ABCA12: variants seen among roughly 807,000 people sequenced by gnomAD.
ABCA12 encodes glucosylceramide transporter ABCA12.
In ABCA12, 156 loss-of-function variants were observed where a neutral mutation model predicts 293.5. The ratio of observed to expected loss-of-function variants is 0.53; its 90% confidence interval spans 0.47 to 0.61. The LOEUF is 0.61. Among genes scored for constraint, ABCA12 ranks in the 20% least tolerant of loss-of-function variants. ABCA12 has a pLI of 0.00. For missense variants in ABCA12, 2,797 were observed against 3,090.2 expected (o/e 0.91, Z 2.25); for synonymous variants, 1,063 against 1,108.0 (o/e 0.96, Z 0.81).
intron 11 of ABCA12, 45 bp downstream of exon 11, chr2:215,025,628 G>GTTTTTTTTTGTTTTTTTTTTTT: frequency 8.3e-7 from 1 of 1,203,808 alleles, no homozygotes; most frequent in Non-Finnish European, 1.2e-6. Context: ...TTGTCTTTTT[G>GTTTTTTTTTGTTTTTTTTTTTT]TTTTTTTTTT....
chr2:215,081,153 C>G (rs1701928422), intron 2 of ABCA12, among the ~76,000 whole-genome samples: 1 of 152,110 alleles, frequency 6.6e-6, no homozygotes, highest in Non-Finnish European at 1.5e-5. Context: ...AATTGACTCT[C>G]TTTAGCCTGT....
In ABCA12 at chr2:214,989,417, G is replaced by T; in HGVS notation, c.3741C>A (p.Thr1247=). The change falls in exon 26 of 53, where the codon ACC becomes ACA. Residue 1247 remains threonine, a synonymous_variant. Coordinates refer to ENST00000272895, the MANE Select transcript of ABCA12 (RefSeq NM_173076.3). ...NMYTSPVQDD[T]TSFGWLCCLI... ...GACAGCACAGCCAGCCAAATGAGGT[G>T]GTGTCATCCTGAACCGGGGAGGTGT... 1 of 1,613,436 alleles carries T rather than the reference G, an allele frequency of 6.2e-7. No homozygotes were observed. The highest frequency in any genetic ancestry group is 8.5e-7 in the Non-Finnish European group (1 of 1,179,910).
At chr2:215,138,031 G>T in intron 1 of ABCA12, 109 bp downstream of exon 1, 1 of 1,130,282 alleles carries the variant, frequency 8.8e-7, no homozygotes, top group Non-Finnish European at 1.4e-6. Context: ...TTCCTGCTTT[G>T]GAAAATGCCT....
intron 52 of ABCA12, 141 bp downstream of exon 52, chr2:214,933,937 C>A: frequency 1.2e-6 from 1 of 831,716 alleles, no homozygotes; most frequent in East Asian, 2.7e-5. Context: ...ATTGATTAGG[C>A]TCTTTGCTAA....
chr2:215,112,822 C>T (rs914768429), intron 1 of ABCA12, among the ~76,000 whole-genome samples: 2 of 152,028 alleles, frequency 1.3e-5, no homozygotes, highest in African/African-American at 4.8e-5. Flanking sequence ...GAGAATTTCA[C>T]TTTAAGTACT....
chr2:215,138,075 C>T, intron 1 of ABCA12, 65 bp downstream of exon 1: 1 of 1,468,810 alleles, frequency 6.8e-7, no homozygotes, highest in Non-Finnish European at 9.5e-7. Context: ...TCATTAAGAT[C>T]ACATTTTAGG....
chr2:214,980,358 GA>G (rs1489033970), intron 31 of ABCA12, 124 bp downstream of exon 31: 1 of 1,335,008 alleles, frequency 7.5e-7, no homozygotes, highest in African/African-American at 1.4e-5. Context: ...ACTCAAATAT[GA>G]GAAGCAGTAA....
At chr2:215,105,424 C>T (rs57967455) in intron 2 of ABCA12, among the ~76,000 whole-genome samples, 6 of 152,188 alleles carry the variant, frequency 3.9e-5, no homozygotes, top group African/African-American at 1.4e-4. Flanking sequence ...AGGCATTCTA[C>T]TGCAGAACAG....
intron 45 of ABCA12, 81 bp from the exon 46 acceptor site, chr2:214,949,230 C>T: frequency 1.0e-6 from 1 of 970,020 alleles, no homozygotes; most frequent in Non-Finnish European, 1.7e-6. Flanking sequence ...CCTCTTCTCC[C>T]TGGGTGAAAT....
chr2:215,070,387 A>AT (rs111826913), intron 2 of ABCA12, among the ~76,000 whole-genome samples: 54 of 151,830 alleles, frequency 3.6e-4, no homozygotes, highest in African/African-American at 1.3e-3. Context: ...TTTTTTTTAA[A>AT]TGTTTTTATT....
intron 11 of ABCA12, among the ~76,000 whole-genome samples, chr2:215,021,287 T>C (rs1469484141): frequency 2.0e-5 from 3 of 152,378 alleles, no homozygotes; most frequent in Admixed American, 6.5e-5. Flanking sequence ...TGCACCGTTA[T>C]TGACGTTATT....
chr2:215,010,907 A>G (rs565128424), intron 17 of ABCA12, among the ~76,000 whole-genome samples: 103 of 152,324 alleles, frequency 6.8e-4, no homozygotes, highest in Non-Finnish European at 1.1e-3. Context: ...CCCATATATT[A>G]TTTGAATGAG....
At chr2:214,977,150 TG>T (rs1699535625) in intron 33 of ABCA12, among the ~76,000 whole-genome samples, 1 of 152,238 alleles carries the variant, frequency 6.6e-6, no homozygotes, top group Non-Finnish European at 1.5e-5. Flanking sequence ...TATGCTTTTC[TG>T]TTTCTTGAGA....
At chr2:215,099,741 A>G (rs1473318921) in intron 2 of ABCA12, among the ~76,000 whole-genome samples, 1 of 151,984 alleles carries the variant, frequency 6.6e-6, no homozygotes, top group Non-Finnish European at 1.5e-5. Context: ...AGGATGATAA[A>G]TGTTTATTGT....
rs181387954 is a variant in ABCA12 at position 215,035,396 on chromosome 2, G to A, written c.985+1557C>T. ...TTTTAAGACTTGCCAAAAGCCAGAC[G>A]TGGTGGCTCATGCCTGTAATCCCAG... On this transcript the variant is annotated intron_variant, in intron 8 of 52. Transcript: ENST00000272895. Among the ~76,000 whole-genome samples the A allele has an allele frequency of 7.2e-5, 11 of 152,156 alleles. No individual in the cohort carries two copies. In the East Asian group the frequency reaches 7.7e-4, roughly 11 times the overall value.
At chr2:215,044,649 C>A (rs1054077730) in intron 7 of ABCA12, 3 of 152,142 alleles carry the variant, frequency 2.0e-5, no homozygotes, top group African/African-American at 7.2e-5. Flanking sequence ...GATTCAAATT[C>A]TTTAAGTTTA....
chr2:214,941,781 C>CTT lies in ABCA12; in HGVS notation c.7436+1142_7436+1143dup, dbSNP rs57664683. ...TCAGAGACTAGGATTGCAACCCCTG[C>CTT]TTTTTTTTTTTGCTTTTCGTTTGCT... is the stretch of plus-strand genomic sequence containing the variant. On this transcript the variant is annotated intron_variant, in intron 50 of 52. Transcript: ENST00000272895. Among the ~76,000 whole-genome samples the CTT allele has an allele frequency of 5.4e-3, 784 of 144,952 alleles. 8 individuals are homozygous for CTT. The highest frequency in any genetic ancestry group is 0.028 in the South Asian group (125 of 4,536).
chr2:215,005,293 CAT>C (rs1339390581), intron 19 of ABCA12, among the ~76,000 whole-genome samples: 9 of 152,298 alleles, frequency 5.9e-5, no homozygotes, highest in African/African-American at 9.6e-5. Context: ...TTTTTCATCA[CAT>C]GTGTAAATTC....
chr2:214,984,596 A>T (rs1699744968), intron 28 of ABCA12, among the ~76,000 whole-genome samples: 1 of 151,924 alleles, frequency 6.6e-6, no homozygotes, highest in African/African-American at 2.4e-5. Context: ...GGGTCCTTCA[A>T]CTCAGTATGT....
Sources: gnomAD v4.1 joint callset for allele counts (sites outside exome capture counted in the v4.1 genomes callset) on GRCh38, gnomAD v4.1.1 for gene constraint, MANE v1.5 for transcripts, NCBI Gene and HGNC (gene_info 2026-07-23, HGNC 2026-07-21) for gene names.